The following SERINC5 variants were observed in gnomAD, a reference collection of about 807,000 sequenced individuals.
SERINC5 encodes the protein serine incorporator 5.
In SERINC5, 41 loss-of-function variants were observed where a neutral mutation model predicts 63.1. The observed-to-expected ratio is 0.65, with a 90% CI of 0.51 to 0.84. The LOEUF (loss-of-function observed/expected upper bound fraction) is 0.84. SERINC5 is among the 40% of genes least tolerant of loss of function. The pLI, the probability that SERINC5 is intolerant of heterozygous loss-of-function variation, is 0.00. For synonymous variants in SERINC5, 222 were observed against 215.2 expected (o/e 1.03, Z -0.28); for missense variants, 523 against 573.0 (o/e 0.91, Z 0.89).
intron 7 of SERINC5, among the ~76,000 whole-genome samples, chr5:80,159,903 A>G (rs1339384542): frequency 1.3e-5 from 2 of 152,116 alleles, no homozygotes; most frequent in Non-Finnish European, 2.9e-5. Context: ...ACCTTGCCTT[A>G]TATATATTTT....
chr5:80,113,120 C>G (rs1744187172), intron 12 of SERINC5, among the ~76,000 whole-genome samples: 1 of 152,168 alleles, frequency 6.6e-6, no homozygotes, highest in African/African-American at 2.4e-5. Flanking sequence ...ATTGAAATCT[C>G]TAACCCTATA....
At chr5:80,204,900 C>G (rs1397403500) in intron 1 of SERINC5, among the ~76,000 whole-genome samples, 1 of 152,192 alleles carries the variant, frequency 6.6e-6, no homozygotes, top group African/African-American at 2.4e-5. Flanking sequence ...GATAAGAAAG[C>G]AGGGCCCAGC....
At position 80,252,468 on chromosome 5, in the gene SERINC5, G is replaced by A. The variant is rs1369445933; in HGVS notation, c.27+3428C>T. Reference sequence around the variant, plus strand: ...TGTGTTCATTACCGTGTCTCTAGGGGCCTAGCACAGAACTTTGAACCCATA... The same window carrying A: ...TGTGTTCATTACCGTGTCTCTAGGGACCTAGCACAGAACTTTGAACCCATA... On this transcript the variant is annotated intron_variant, in intron 1 of 11. Coordinates refer to ENST00000507668, the MANE Select transcript of SERINC5 (RefSeq NM_001174072.3). Among the ~76,000 whole-genome samples, 13 of 152,126 alleles carry A rather than the reference G, an allele frequency of 8.5e-5. 1 individual carries two copies. In the South Asian group the frequency reaches 2.7e-3, roughly 32 times the overall value.
At chr5:80,237,655 T>A (rs896398232) in intron 1 of SERINC5, among the ~76,000 whole-genome samples, 2 of 151,576 alleles carry the variant, frequency 1.3e-5, no homozygotes, top group African/African-American at 4.8e-5. Context: ...TCTCTAATAA[T>A]CAGAGAATAC....
At chr5:80,154,698 C>T (rs762183053) in intron 8 of SERINC5, among the ~76,000 whole-genome samples, 15 of 152,094 alleles carry the variant, frequency 9.9e-5, no homozygotes, top group Non-Finnish European at 1.9e-4. Flanking sequence ...TGCTATCACA[C>T]CAACCTGCGA....
chr5:80,235,000 T>C (rs1360440782), intron 1 of SERINC5, among the ~76,000 whole-genome samples: 2 of 152,234 alleles, frequency 1.3e-5, no homozygotes, highest in African/African-American at 4.8e-5. Flanking sequence ...TAGTGTTAAG[T>C]ATATTCATAT....
intron 2 of SERINC5, among the ~76,000 whole-genome samples, chr5:80,198,365 C>A (rs1287820634): frequency 2.6e-5 from 4 of 152,120 alleles, no homozygotes; most frequent in Admixed American, 1.3e-4. Context: ...AGAAAAGAAG[C>A]AGGACAAAGT....
At chr5:80,229,093 G>A (rs1298580089) in intron 1 of SERINC5, among the ~76,000 whole-genome samples, 1 of 118,550 alleles carries the variant, frequency 8.4e-6, no homozygotes, top group Non-Finnish European at 1.6e-5. Flanking sequence ...GTGCGATCTC[G>A]GCTCACTGTA....
In SERINC5 at chr5:80,256,017, G is replaced by T; in HGVS notation, c.-95C>A. On this transcript the variant is annotated 5_prime_UTR_variant, in exon 1 of 12. It adds an upstream start codon to the 5' untranslated region. Transcript: ENST00000507668. Reference sequence around the variant, plus strand: ...GCCTCGAGCGCTGGGCTCAGCCGCAGCTCACACTTGAACGAAGATCAGCCT... The same window carrying T: ...GCCTCGAGCGCTGGGCTCAGCCGCATCTCACACTTGAACGAAGATCAGCCT... The T allele has an allele frequency of 7.9e-7, 1 of 1,262,524 alleles. No homozygotes were observed. Among genetic ancestry groups the T allele is most frequent in the Non-Finnish European group, 1.0e-6 (1 of 955,544 alleles). 78.2% of individuals were successfully genotyped at this position (1,262,524 alleles called of 1,614,324 possible).
intron 2 of SERINC5, among the ~76,000 whole-genome samples, chr5:80,202,350 G>A (rs1580161478): frequency 6.6e-6 from 1 of 152,168 alleles, no homozygotes; most frequent in East Asian, 1.9e-4. Context: ...ACAATGCTAA[G>A]ATAAAATACA....
chr5:80,176,060 T>G (rs1220084671), intron 4 of SERINC5, among the ~76,000 whole-genome samples: 1 of 151,730 alleles, frequency 6.6e-6, no homozygotes, highest in Non-Finnish European at 1.5e-5. Context: ...GTGCCTATAG[T>G]CCCAGCTACT....
chr5:80,237,919 A>T (rs974334613), intron 1 of SERINC5, among the ~76,000 whole-genome samples: 1 of 151,952 alleles, frequency 6.6e-6, no homozygotes. Flanking sequence ...CCTGGCCAAC[A>T]TGGTGAAACC....
chr5:80,174,480 T>C (rs1747891766), intron 5 of SERINC5, among the ~76,000 whole-genome samples: 1 of 151,806 alleles, frequency 6.6e-6, no homozygotes, highest in African/African-American at 2.4e-5. Context: ...ATCCTACTGT[T>C]TTTAGGATCA....
At chr5:80,148,410 G>A (rs1745965009) in intron 9 of SERINC5, among the ~76,000 whole-genome samples, 1 of 151,618 alleles carries the variant, frequency 6.6e-6, no homozygotes, top group South Asian at 2.1e-4. Context: ...GGCTGGTCTC[G>A]AACTCCAGGC....
chr5:80,161,550 GATT>G (rs1330508720), intron 7 of SERINC5, among the ~76,000 whole-genome samples: 2 of 152,008 alleles, frequency 1.3e-5, no homozygotes, highest in Non-Finnish European at 2.9e-5. Flanking sequence ...TTTTTAATGG[GATT>G]ATTTGGTGTT....
intron 8 of SERINC5, among the ~76,000 whole-genome samples, chr5:80,153,383 G>A (rs1401328629): frequency 6.6e-6 from 1 of 151,770 alleles, no homozygotes; most frequent in Non-Finnish European, 1.5e-5. Flanking sequence ...GCTTGAACCC[G>A]GGAGGCAGAT....
intron 4 of SERINC5, 101 bp downstream of exon 4, chr5:80,177,214 G>C: frequency 2.5e-6 from 2 of 787,602 alleles, no homozygotes; most frequent in South Asian, 3.3e-5. Flanking sequence ...AAGAAAATCA[G>C]TAATTCTAAC....
At chr5:80,151,324 G>A (rs1001346521) in intron 8 of SERINC5, among the ~76,000 whole-genome samples, 2 of 152,128 alleles carry the variant, frequency 1.3e-5, no homozygotes, top group African/African-American at 2.4e-5. Flanking sequence ...CAAAAGCAAC[G>A]AGCCCAGAGA....
chr5:80,137,807 T>A (rs1339427361), downstream of SERINC5, among the ~76,000 whole-genome samples: 4 of 146,466 alleles, frequency 2.7e-5, no homozygotes, highest in African/African-American at 7.7e-5. Context: ...CCAGGCTTGG[T>A]GTTGTAGCCT....
Sources: gnomAD v4.1 joint callset for allele counts (sites outside exome capture counted in the v4.1 genomes callset) on GRCh38, gnomAD v4.1.1 for gene constraint, MANE v1.5 for transcripts, NCBI Gene and HGNC (gene_info 2026-07-23, HGNC 2026-07-21) for gene names.